Variants in GPR158 observed in about 807,000 individuals in gnomAD.
GPR158 encodes metabotropic glycine receptor.
In GPR158, 30 loss-of-function variants were observed where a neutral mutation model predicts 78.2. The observed-to-expected ratio is 0.38, with a 90% CI of 0.29 to 0.52. The LOEUF is 0.52. Among genes scored for constraint, GPR158 ranks in the 20% least tolerant of loss-of-function variants. The pLI is 0.83. For synonymous variants in GPR158, 581 were observed against 591.1 expected, an observed-to-expected ratio of 0.98 and a Z score of 0.25; for missense variants, 1,463 against 1,523.5, an observed-to-expected ratio of 0.96 and a Z score of 0.66.
At chr10:25,299,541 G>T (rs1022603985) in intron 2 of GPR158, among the ~76,000 whole-genome samples, 1 of 151,302 alleles carries the variant, frequency 6.6e-6, no homozygotes, top group Non-Finnish European at 1.5e-5. Flanking sequence ...TATCCTTTAG[G>T]TTCCTCCATT....
At chr10:25,470,151 G>A (rs1297915544) in intron 5 of GPR158, among the ~76,000 whole-genome samples, 2 of 103,350 alleles carry the variant, frequency 1.9e-5, no homozygotes, top group East Asian at 6.8e-4. Context: ...TAGATCGAGT[G>A]TTCTTTATTC....
intron 7 of GPR158, among the ~76,000 whole-genome samples, chr10:25,582,885 T>G (rs1837221734): frequency 6.6e-6 from 1 of 152,200 alleles, no homozygotes; most frequent in Non-Finnish European, 1.5e-5. Flanking sequence ...CCACAGGCTA[T>G]TCAATTCTAA....
chr10:25,441,410 C>A (rs1457208608), intron 4 of GPR158, among the ~76,000 whole-genome samples: 4 of 152,188 alleles, frequency 2.6e-5, no homozygotes, highest in African/African-American at 4.8e-5. Context: ...ATGTTCTTCA[C>A]CCTTCAACTG....
At chr10:25,588,170 ATTATT>A (rs1837295121) in intron 7 of GPR158, among the ~76,000 whole-genome samples, 1 of 152,232 alleles carries the variant, frequency 6.6e-6, no homozygotes, top group African/African-American at 2.4e-5. Context: ...CTTTCTATGC[ATTATT>A]TTATTTAATT....
At chr10:25,410,477 G>T (rs546042364) in intron 3 of GPR158, among the ~76,000 whole-genome samples, 5 of 152,066 alleles carry the variant, frequency 3.3e-5, no homozygotes, top group Admixed American at 2.6e-4. Context: ...TTAGCCAGGC[G>T]TGGTGGCGCG....
At chr10:25,195,711 C>A (rs1852834725) in intron 1 of GPR158, among the ~76,000 whole-genome samples, 1 of 152,126 alleles carries the variant, frequency 6.6e-6, no homozygotes, top group African/African-American at 2.4e-5. Context: ...TAAAATTCTT[C>A]CTCTTCTTTT....
At chr10:25,377,933 C>T (rs1009724820) in intron 2 of GPR158, among the ~76,000 whole-genome samples, 22 of 152,002 alleles carry the variant, frequency 1.4e-4, no homozygotes, top group Non-Finnish European at 3.2e-4. Context: ...CTGTGTTTAA[C>T]ATTTACAGTG....
chr10:25,433,547 T>TGTGTGTGTTGTGTGTGTGTTGTGTG (rs67750453), intron 4 of GPR158, among the ~76,000 whole-genome samples: 1 of 96,330 alleles, frequency 1.0e-5, no homozygotes, highest in African/African-American at 2.8e-5. Context: ...TGTGTGTGTG[T>TGTGTGTGTTGTGTGTGTGTTGTGTG]TGTGTGTGTG....
chr10:25,596,384 G>A (rs1308546307), intron 9 of GPR158, among the ~76,000 whole-genome samples: 4 of 152,010 alleles, frequency 2.6e-5, no homozygotes, highest in South Asian at 2.1e-4. Flanking sequence ...GCTTCAGCTC[G>A]GGAGTTTGAG....
chr10:25,524,354 A>G (rs759792565), intron 5 of GPR158, among the ~76,000 whole-genome samples: 32 of 152,324 alleles, frequency 2.1e-4, no homozygotes, highest in Non-Finnish European at 4.3e-4. Context: ...AAAGCAGAAC[A>G]AAATTGGAAG....
intron 6 of GPR158, among the ~76,000 whole-genome samples, chr10:25,562,790 T>C (rs1450468633): frequency 2.0e-5 from 3 of 152,234 alleles, no homozygotes; most frequent in Non-Finnish European, 4.4e-5. Context: ...TAAGGTCTAG[T>C]TGGCTTATGA....
At chr10:25,579,243 G>A (rs1396316641) in intron 7 of GPR158, among the ~76,000 whole-genome samples, 1 of 149,974 alleles carries the variant, frequency 6.7e-6, no homozygotes, top group Non-Finnish European at 1.5e-5. Context: ...CATTAAACTT[G>A]TCATATTAAA....
Position 25,280,742 on chromosome 10 carries a change from C to T in GPR158, c.1008+59585C>T, listed in dbSNP as rs567775135. Among the ~76,000 whole-genome samples the T allele has an allele frequency of 7.4e-5, 10 of 135,652 alleles. No individual in the cohort carries two copies. The South Asian group carries it at 8.9e-4, about 12-fold the overall frequency. 89.0% of individuals were successfully genotyped at this position (135,652 alleles called of 152,430 possible). The stretch of plus-strand genomic sequence containing the variant: ...ATGTATGTATGTATGTATGTATGTA[C>T]GTACGTACATACGTACATATTCTTT... On this transcript the variant is annotated intron_variant, in intron 2 of 10. Transcript: ENST00000376351.
intron 5 of GPR158, among the ~76,000 whole-genome samples, chr10:25,478,953 A>G (rs1835626797): frequency 1.3e-5 from 2 of 152,056 alleles, no homozygotes; most frequent in African/African-American, 4.8e-5. Context: ...AGCTTCATCC[A>G]TGTCCCTACA....
chr10:25,447,195 A>T (rs953360412), intron 4 of GPR158, among the ~76,000 whole-genome samples: 2 of 152,212 alleles, frequency 1.3e-5, no homozygotes, highest in African/African-American at 4.8e-5. Context: ...AATAATTTTT[A>T]TGTGCAGTGA....
At chr10:25,271,043 G>T (rs1337199491) in intron 2 of GPR158, among the ~76,000 whole-genome samples, 1 of 152,158 alleles carries the variant, frequency 6.6e-6, no homozygotes, top group African/African-American at 2.4e-5. Context: ...CAATGGCTTG[G>T]CTTTCTTTTA....
At chr10:25,310,770 G>A (rs1209517575) in intron 2 of GPR158, among the ~76,000 whole-genome samples, 2 of 151,852 alleles carry the variant, frequency 1.3e-5, no homozygotes, top group East Asian at 1.9e-4. Flanking sequence ...TTTGGATTTT[G>A]AGTCATAGTT....
intron 2 of GPR158, among the ~76,000 whole-genome samples, chr10:25,297,552 A>G (rs1016528505): frequency 6.6e-6 from 1 of 152,206 alleles, no homozygotes; most frequent in South Asian, 2.1e-4. Context: ...CAGAAGGCCT[A>G]TCACCTGGGG....
chr10:25,577,408 A>G (rs958178198), intron 7 of GPR158, among the ~76,000 whole-genome samples: 2 of 151,656 alleles, frequency 1.3e-5, no homozygotes, highest in Non-Finnish European at 3.0e-5. Context: ...GTGCACTTAC[A>G]TTAGTGTCAA....
Sources: gnomAD v4.1 joint callset for allele counts (sites outside exome capture counted in the v4.1 genomes callset) on GRCh38, gnomAD v4.1.1 for gene constraint, MANE v1.5 for transcripts, NCBI Gene and HGNC (gene_info 2026-07-23, HGNC 2026-07-21) for gene names.